The following RASGRP3 variants were observed in gnomAD, a reference collection of about 807,000 sequenced individuals.
RASGRP3 encodes RAS guanyl releasing protein 3.
RASGRP3 carries 54 observed loss-of-function variants against 82.7 expected under a neutral mutation model. The observed-to-expected ratio is 0.65, with a 90% CI of 0.52 to 0.82. The LOEUF (loss-of-function observed/expected upper bound fraction) is 0.82, where lower values mean the gene tolerates loss of function less well. Ranked by LOEUF, RASGRP3 falls within the 40% of genes least tolerant of loss-of-function variation. The pLI, the probability that RASGRP3 is intolerant of heterozygous loss-of-function variation, is 0.00. For synonymous variants in RASGRP3, 309 were observed against 300.5 expected, an observed-to-expected ratio of 1.03 and a Z score of -0.29; for missense variants, 861 against 828.9, an observed-to-expected ratio of 1.04 and a Z score of -0.48.
At chr2:33,544,146 T>A (rs1478122391) in intron 13 of RASGRP3, among the ~76,000 whole-genome samples, 1 of 152,074 alleles carries the variant, frequency 6.6e-6, no homozygotes, top group Non-Finnish European at 1.5e-5. Flanking sequence ...AAACTCTGTC[T>A]CTACTAAAAA....
intron 14 of RASGRP3, among the ~76,000 whole-genome samples, chr2:33,550,197 G>A (rs1277702909): frequency 6.6e-6 from 1 of 152,176 alleles, no homozygotes; most frequent in Non-Finnish European, 1.5e-5. Flanking sequence ...TCTTTTTGGA[G>A]AGAAGCTGGT....
rs1246477287 is a variant in RASGRP3 at position 33,531,372 on chromosome 2, T to C, written c.1084-2951T>C. Among the ~76,000 whole-genome samples the C allele has an allele frequency of 2.0e-5, 3 of 152,214 alleles. No homozygotes were observed. The East Asian group carries it at 5.8e-4, about 29-fold the overall frequency. On this transcript the variant is annotated intron_variant, in intron 10 of 17. Transcript: ENST00000403687. Reference sequence around the variant, plus strand: ...GCAGAAAGTAGAACAGATCACCCTTTGGGCAGGTCCGTAAAGCCCAGAGGA... The same window carrying C: ...GCAGAAAGTAGAACAGATCACCCTTCGGGCAGGTCCGTAAAGCCCAGAGGA...
intron 2 of RASGRP3, among the ~76,000 whole-genome samples, chr2:33,456,953 A>G (rs886239552): frequency 3.5e-5 from 5 of 141,064 alleles, no homozygotes; most frequent in African/African-American, 1.4e-4. Flanking sequence ...ACCTAGGCTG[A>G]AGTGCAGTGG....
upstream of RASGRP3, among the ~76,000 whole-genome samples, chr2:33,474,233 G>A (rs577470567): frequency 6.6e-6 from 1 of 152,274 alleles, no homozygotes; most frequent in South Asian, 2.1e-4. Flanking sequence ...AGTGTTGGAG[G>A]TGGAGCCTGG....
At chr2:33,495,948 C>A (rs900214705) in intron 1 of RASGRP3, among the ~76,000 whole-genome samples, 1 of 152,114 alleles carries the variant, frequency 6.6e-6, no homozygotes, top group Non-Finnish European at 1.5e-5. Flanking sequence ...GGGGATGCAG[C>A]CCTAAAATGA....
chr2:33,539,326 A>G (rs1673992445), intron 12 of RASGRP3, 116 bp downstream of exon 12: 4 of 828,838 alleles, frequency 4.8e-6, no homozygotes, highest in Non-Finnish European at 1.9e-6. Flanking sequence ...TCTGGCAGGT[A>G]GGAACAATTT....
At chr2:33,483,715 C>A (rs1439163596) in intron 1 of RASGRP3, among the ~76,000 whole-genome samples, 1 of 152,034 alleles carries the variant, frequency 6.6e-6, no homozygotes, top group East Asian at 1.9e-4. Flanking sequence ...TCTTGAATTC[C>A]TGACCTTAAG....
chr2:33,479,945 T>G (rs1464672196), intron 1 of RASGRP3, among the ~76,000 whole-genome samples: 1 of 152,104 alleles, frequency 6.6e-6, no homozygotes, highest in African/African-American at 2.4e-5. Flanking sequence ...GTATGCCATG[T>G]GTGGATGTTT....
At chr2:33,492,126 G>A (rs531277013) in intron 1 of RASGRP3, among the ~76,000 whole-genome samples, 5 of 152,310 alleles carry the variant, frequency 3.3e-5, no homozygotes, top group Non-Finnish European at 7.3e-5. Context: ...CTGATGGTGA[G>A]AATCAGGAGG....
intron 2 of RASGRP3, among the ~76,000 whole-genome samples, chr2:33,448,979 G>C (rs1219421633): frequency 1.3e-5 from 2 of 152,266 alleles, no homozygotes; most frequent in East Asian, 3.9e-4. Context: ...GTAATATTTT[G>C]TATCATTTGT....
At chr2:33,506,232 A>C (rs547990456) in intron 1 of RASGRP3, among the ~76,000 whole-genome samples, 2 of 152,368 alleles carry the variant, frequency 1.3e-5, no homozygotes, top group Non-Finnish European at 2.9e-5. Context: ...CCAAACACAG[A>C]GAATAACAAA....
upstream of RASGRP3, among the ~76,000 whole-genome samples, chr2:33,475,903 C>G (rs1175332128): frequency 1.3e-5 from 2 of 152,210 alleles, no homozygotes; most frequent in Non-Finnish European, 2.9e-5. Flanking sequence ...CATTCACACT[C>G]GCCGGCTGAT....
intron 2 of RASGRP3, among the ~76,000 whole-genome samples, chr2:33,448,657 G>A (rs1051923391): frequency 6.6e-6 from 1 of 152,008 alleles, no homozygotes; most frequent in Admixed American, 6.6e-5. Flanking sequence ...GGCTGGGGGT[G>A]GGGGGAAAGG....
At chr2:33,489,241 A>G (rs1357849409) in intron 1 of RASGRP3, among the ~76,000 whole-genome samples, 2 of 152,256 alleles carry the variant, frequency 1.3e-5, no homozygotes, top group African/African-American at 4.8e-5. Context: ...ATGTGAAACA[A>G]TTAAAAATCT....
intron 14 of RASGRP3, among the ~76,000 whole-genome samples, chr2:33,553,161 T>A (rs1456626798): frequency 6.6e-6 from 1 of 151,760 alleles, no homozygotes; most frequent in East Asian, 1.9e-4. Context: ...ATGTCTCTTC[T>A]TAAATCTTAT....
intron 5 of RASGRP3, 25 bp from the exon 6 acceptor site, chr2:33,520,528 G>A: frequency 6.2e-7 from 1 of 1,611,596 alleles, no homozygotes. Context: ...TCTTCCAGCT[G>A]CCAAAAATAT....
chr2:33,562,197 C>T (rs955353667), intron 17 of RASGRP3, among the ~76,000 whole-genome samples: 1 of 151,490 alleles, frequency 6.6e-6, no homozygotes, highest in African/African-American at 2.4e-5. Flanking sequence ...TTAAGGTCAA[C>T]ATCCTAGTTG....
intron 1 of RASGRP3, among the ~76,000 whole-genome samples, chr2:33,494,586 T>A (rs984705037): frequency 6.6e-6 from 1 of 152,096 alleles, no homozygotes; most frequent in African/African-American, 2.4e-5. Context: ...AGAGAGGAAG[T>A]GGGAGAGAGT....
In RASGRP3 at chr2:33,461,743, T is replaced by G. The variant is rs528846784; in HGVS notation, c.-261+13800T>G. 4.6e-5 allele frequency among the ~76,000 whole-genome samples: 7 copies of G among 152,344 alleles called. No individual in the cohort carries two copies. In the South Asian group the frequency reaches 1.5e-3, roughly 32 times the overall value. ...CGTAAGAATATTTTATCCAAAAGTT[T>G]TCTACACACAAAGTTATAAGTAATA... is the stretch of plus-strand genomic sequence containing the variant. On this transcript the variant is annotated intron_variant, in intron 2 of 18. Coordinates refer to the RASGRP3 transcript ENST00000402538.
Sources: gnomAD v4.1 joint callset for allele counts (sites outside exome capture counted in the v4.1 genomes callset) on GRCh38, gnomAD v4.1.1 for gene constraint, MANE v1.5 for transcripts, NCBI Gene and HGNC (gene_info 2026-07-23, HGNC 2026-07-21) for gene names.